PCDHGB6: variants seen among roughly 807,000 people sequenced by gnomAD.
PCDHGB6 encodes protocadherin gamma-B6.
In PCDHGB6, 51 loss-of-function variants were observed where a neutral mutation model predicts 59.1. The ratio of observed to expected loss-of-function variants is 0.86; its 90% confidence interval spans 0.69 to 1.09. The LOEUF is 1.09. PCDHGB6 is among the 50% of genes least tolerant of loss of function. The pLI, the probability that PCDHGB6 is intolerant of heterozygous loss-of-function variation, is 0.00. For synonymous variants in PCDHGB6, 466 were observed against 495.1 expected, an observed-to-expected ratio of 0.94 and a Z score of 0.78; for missense variants, 1,148 against 1,205.1, an observed-to-expected ratio of 0.95 and a Z score of 0.70.
rs756761584 is a variant in PCDHGB6 at position 141,476,545 on chromosome 5, G to A, written c.2419-18262G>A. 13 of 1,614,230 alleles carry A rather than the reference G, an allele frequency of 8.1e-6. No homozygotes were observed. The Admixed American group carries it at 2.2e-4, about 27-fold the overall frequency. On this transcript the variant is annotated intron_variant, in intron 1 of 3. Coordinates refer to ENST00000520790, the MANE Select transcript of PCDHGB6 (RefSeq NM_018926.3). This position sits in a 1 kb window ranked among gnomAD's most constrained non-coding sequence, Gnocchi z 7.6. ...TCCCTACCCAGGAAATGAAATTGGA[G>A]ATTAGCGAGGCCGTGGCTCCGGGGA...
intron 1 of PCDHGB6, among the ~76,000 whole-genome samples, chr5:141,469,600 T>C (rs1276702104): frequency 6.6e-6 from 1 of 151,974 alleles, no homozygotes; most frequent in Non-Finnish European, 1.5e-5. Flanking sequence ...TAAAACAAAA[T>C]AAGTAAAATA....
intron 1 of PCDHGB6, chr5:141,418,417 T>C: frequency 6.2e-7 from 1 of 1,614,002 alleles, no homozygotes; most frequent in Non-Finnish European, 8.5e-7. Flanking sequence ...AAGACAATCC[T>C]GATGGTGGCA....
Position 141,409,628 on chromosome 5 carries a change from G to A in PCDHGB6, c.1426G>A (p.Ala476Thr), listed in dbSNP as rs367728235. Reference sequence around the variant, plus strand: ...AGGAGCCTCCATTGCGCAAGTGAGCGCCTCTGACCCGGATTTGGGGCTCAA... The same window carrying A: ...AGGAGCCTCCATTGCGCAAGTGAGCACCTCTGACCCGGATTTGGGGCTCAA... The part of the protein sequence containing the change: ...PPGASIAQVS[A>T]SDPDLGLNGH... Residue 476 changes from alanine to threonine, a missense_variant, in exon 1 of 4, where the codon GCC becomes ACC. By Grantham distance (58) the Ala-to-Thr change is moderately conservative. Coordinates refer to ENST00000520790, the MANE Select transcript of PCDHGB6 (RefSeq NM_018926.3). 1.2e-6 allele frequency: 2 copies of A among 1,613,730 alleles called. No homozygotes were observed. The highest frequency in any genetic ancestry group is 1.7e-6 in the Non-Finnish European group (2 of 1,179,896).
rs779191558 is a variant in PCDHGB6 at position 141,491,465 on chromosome 5, A to T, written c.2419-3342A>T. 3.1e-6 allele frequency: 5 copies of T among 1,614,092 alleles called. No homozygotes were observed. Among genetic ancestry groups the T allele is most frequent in the Non-Finnish European group, 4.2e-6 (5 of 1,180,010 alleles). On this transcript the variant is annotated intron_variant, in intron 1 of 3. Transcript: ENST00000520790. The surrounding 1 kb of genome is among the most constrained non-coding windows in gnomAD (Gnocchi z 6.9). ...CAGGACTCACCCTCCCCGGACTTCT[A>T]TAAGCAGTCCAGCCCCAACCTGCAG... is the stretch of plus-strand genomic sequence containing the variant.
intron 1 of PCDHGB6, among the ~76,000 whole-genome samples, chr5:141,463,438 C>CTTTTTTTTT (rs71576115): frequency 4.8e-5 from 5 of 103,252 alleles, no homozygotes; most frequent in African/African-American, 2.2e-4. Context: ...TTTCCTTCTC[C>CTTTTTTTTT]TTTTTTTTTT....
intron 3 of PCDHGB6, 99 bp from the exon 4 acceptor site, chr5:141,510,848 G>A: frequency 6.3e-7 from 1 of 1,596,080 alleles, no homozygotes. Flanking sequence ...TCAAGGCCCA[G>A]GGTGCTGTAT....
chr5:141,506,266 T>A (rs1397052417), intron 3 of PCDHGB6, among the ~76,000 whole-genome samples: 1 of 151,862 alleles, frequency 6.6e-6, no homozygotes, highest in Non-Finnish European at 1.5e-5. Context: ...CTGGCCAACA[T>A]AGTGAAACCC....
At chr5:141,423,126 G>A (rs1397550571) in intron 1 of PCDHGB6, 1 of 1,613,622 alleles carries the variant, frequency 6.2e-7, no homozygotes, top group Non-Finnish European at 8.5e-7. Context: ...CGCGGGCACT[G>A]CTGGACAGAG....
At chr5:141,423,940 G>T in intron 1 of PCDHGB6, 1 of 1,217,216 alleles carries the variant, frequency 8.2e-7, no homozygotes, top group Non-Finnish European at 1.0e-6. Context: ...TTTGAAGTAA[G>T]TTGAATTTTA....
In PCDHGB6 at chr5:141,477,031, A is replaced by C; in HGVS notation, c.2419-17776A>C. Reference sequence around the variant, plus strand: ...TAGACCTTGTAACCGGGATGCTGACAATCAAGGGTCGGCTGGACTTCGAGG... The same window carrying C: ...TAGACCTTGTAACCGGGATGCTGACCATCAAGGGTCGGCTGGACTTCGAGG... On this transcript the variant is annotated intron_variant, in intron 1 of 3. Coordinates refer to ENST00000520790, the MANE Select transcript of PCDHGB6 (RefSeq NM_018926.3). This position sits in a 1 kb window ranked among gnomAD's most constrained non-coding sequence, Gnocchi z 4.9. The C allele has an allele frequency of 6.2e-7, 1 of 1,614,248 alleles. No individual in the cohort carries two copies. Among genetic ancestry groups the C allele is most frequent in the Non-Finnish European group, 8.5e-7 (1 of 1,180,040 alleles).
In PCDHGB6 at chr5:141,476,533, A is replaced by G; in HGVS notation, c.2419-18274A>G. 6.2e-7 allele frequency: 1 copy of G among 1,614,184 alleles called. No individual in the cohort carries two copies. Among genetic ancestry groups the G allele is most frequent in the Non-Finnish European group, 8.5e-7 (1 of 1,180,022 alleles). On this transcript the variant is annotated intron_variant, in intron 1 of 3. Transcript: ENST00000520790. The surrounding 1 kb of genome is among the most constrained non-coding windows in gnomAD (Gnocchi z 7.6). ...ACAATCCTGCTTTCCCTACCCAGGA[A>G]ATGAAATTGGAGATTAGCGAGGCCG...
intron 1 of PCDHGB6, chr5:141,427,741 C>T (rs748636652): frequency 8.1e-7 from 1 of 1,240,376 alleles, no homozygotes; most frequent in Non-Finnish European, 1.2e-6. Context: ...GGCCAAGTCT[C>T]CTACTCCATC....
At chr5:141,413,374 G>A (rs528233301) in intron 1 of PCDHGB6, 1 of 1,613,946 alleles carries the variant, frequency 6.2e-7, no homozygotes, top group East Asian at 2.2e-5. Context: ...GGCGGAGCGC[G>A]GAGTCCGCAT....
Position 141,410,260 on chromosome 5 carries a change from T to C in PCDHGB6, c.2058T>C (p.Ala686=). 1 of 1,614,054 alleles carries C rather than the reference T, an allele frequency of 6.2e-7. No homozygotes were observed. Among genetic ancestry groups the C allele is most frequent in the Non-Finnish European group, 8.5e-7 (1 of 1,179,904 alleles). ...SDRPVLSDPQ[A]ELQFYLVVAL... is the part of the protein sequence containing the mutation. Reference sequence around the variant, plus strand: ...GCCCTGTACTCTCTGACCCCCAGGCTGAACTGCAGTTTTACCTGGTGGTGG... The same window carrying C: ...GCCCTGTACTCTCTGACCCCCAGGCCGAACTGCAGTTTTACCTGGTGGTGG... Residue 686 remains alanine (A), a synonymous_variant, in exon 1 of 4, where the codon GCT becomes GCC. Coordinates refer to ENST00000520790, the MANE Select transcript of PCDHGB6 (RefSeq NM_018926.3).
chr5:141,423,573 C>G, intron 1 of PCDHGB6: 1 of 1,613,488 alleles, frequency 6.2e-7, no homozygotes, highest in South Asian at 1.1e-5. Context: ...CGCTCATCAG[C>G]CAGGAGAGCT....
At chr5:141,492,312 C>G (rs1470136040) in intron 1 of PCDHGB6, among the ~76,000 whole-genome samples, 3 of 152,230 alleles carry the variant, frequency 2.0e-5, no homozygotes, top group Non-Finnish European at 4.4e-5. Context: ...CGCACGCACT[C>G]CTCGCACGTG....
chr5:141,408,549 T>C lies in PCDHGB6; in HGVS notation c.347T>C (p.Ile116Thr). 1 of 1,614,016 alleles carries C rather than the reference T, an allele frequency of 6.2e-7. No homozygotes were observed. The highest frequency in any genetic ancestry group is 8.5e-7 in the Non-Finnish European group (1 of 1,179,904). ...LEAVVENPLN[I>T]FHVIVVIEDV... Reference sequence around the variant, plus strand: ...GCTGTGGTGGAAAATCCTTTAAATATTTTTCATGTCATTGTGGTGATTGAG... The same window carrying C: ...GCTGTGGTGGAAAATCCTTTAAATACTTTTCATGTCATTGTGGTGATTGAG... Residue 116 changes from isoleucine (I) to threonine (T), a missense_variant, in exon 1 of 4, where the codon ATT becomes ACT. By Grantham distance (89) the Ile-to-Thr change is moderately conservative. This residue lies in a region of PCDHGB6 where 307 missense variants were observed against 323.8 expected (regional missense o/e 0.95). Coordinates refer to ENST00000520790, the MANE Select transcript of PCDHGB6 (RefSeq NM_018926.3).
intron 2 of PCDHGB6, among the ~76,000 whole-genome samples, chr5:141,497,621 C>T (rs769483223): frequency 7.3e-5 from 11 of 151,482 alleles, no homozygotes; most frequent in Non-Finnish European, 1.3e-4. Flanking sequence ...CTCACTGCAA[C>T]CTCTGCCTGC....
At position 141,486,135 on chromosome 5, in the gene PCDHGB6, G is replaced by A. The variant is rs145871538; in HGVS notation, c.2419-8672G>A. ...GAGAATTACTATGAATTTGATGTGC[G>A]GGCTCGCGATGGGGGTTCTCCAGCC... On this transcript the variant is annotated intron_variant, in intron 1 of 3. Transcript: ENST00000520790. This position sits in a 1 kb window ranked among gnomAD's most constrained non-coding sequence, Gnocchi z 5.0. The A allele has an allele frequency of 1.9e-6, 3 of 1,614,168 alleles. No homozygotes were observed. Among genetic ancestry groups the A allele is most frequent in the Non-Finnish European group, 2.5e-6 (3 of 1,180,022 alleles).
Sources: allele counts gnomAD v4.1 joint callset (sites outside exome capture counted in the v4.1 genomes callset), GRCh38; gene constraint gnomAD v4.1.1; regional missense constraint gnomAD v4.1.1; non-coding constraint Gnocchi (gnomAD v3.1); transcripts MANE v1.5; gene names NCBI Gene and HGNC (gene_info 2026-07-23, HGNC 2026-07-21).